KCNH8: variants seen among roughly 807,000 people sequenced by gnomAD.
KCNH8 encodes voltage-gated delayed rectifier potassium channel KCNH8.
KCNH8 carries 70 observed loss-of-function variants against 103.6 expected under a neutral mutation model. That is an observed-to-expected ratio of 0.68 (90% confidence interval 0.56 to 0.82). The LOEUF is 0.82. Among genes scored for constraint, KCNH8 ranks in the 40% least tolerant of loss-of-function variants. The pLI, the probability that KCNH8 is intolerant of heterozygous loss-of-function variation, is 0.00. For missense variants in KCNH8, 1,217 were observed against 1,329.9 expected (o/e 0.92, Z 1.32); for synonymous variants, 498 against 489.4 (o/e 1.02, Z -0.23).
intron 1 of KCNH8, among the ~76,000 whole-genome samples, chr3:19,198,808 A>G (rs1381948958): frequency 1.3e-5 from 2 of 152,108 alleles, no homozygotes; most frequent in Non-Finnish European, 2.9e-5. Context: ...GTTGAATTCC[A>G]TTAAGTATGC....
intron 2 of KCNH8, among the ~76,000 whole-genome samples, chr3:19,276,018 A>G (rs912815702): frequency 2.5e-4 from 38 of 152,182 alleles, no homozygotes; most frequent in South Asian, 4.1e-4. Flanking sequence ...AATAAAGTGG[A>G]GGGGTAACTT....
chr3:19,356,679 T>C (rs2065885890), intron 5 of KCNH8, among the ~76,000 whole-genome samples: 1 of 151,932 alleles, frequency 6.6e-6, no homozygotes, highest in African/African-American at 2.4e-5. Context: ...CCAATCTTTC[T>C]TACACCACAG....
intron 2 of KCNH8, among the ~76,000 whole-genome samples, chr3:19,278,323 C>G (rs781314484): frequency 4.7e-5 from 7 of 149,692 alleles, no homozygotes; most frequent in Non-Finnish European, 7.4e-5. Context: ...GAAAGAAAAG[C>G]ATAAATATAC....
At chr3:19,478,209 T>C (rs1395096429) in intron 11 of KCNH8, among the ~76,000 whole-genome samples, 2 of 152,264 alleles carry the variant, frequency 1.3e-5, no homozygotes, top group South Asian at 4.1e-4. Context: ...ATTGATTCCA[T>C]ATCTTTGCTA....
At chr3:19,462,379 C>A (rs534639214) in intron 11 of KCNH8, among the ~76,000 whole-genome samples, 1 of 152,300 alleles carries the variant, frequency 6.6e-6, no homozygotes, top group South Asian at 2.1e-4. Context: ...GATTTGCTTT[C>A]TCTGATGACC....
At chr3:19,510,706 A>G (rs1341845241) in intron 12 of KCNH8, among the ~76,000 whole-genome samples, 1 of 152,168 alleles carries the variant, frequency 6.6e-6, no homozygotes, top group Non-Finnish European at 1.5e-5. Flanking sequence ...TTGGCAGTCA[A>G]ATTTTTTCTT....
At chr3:19,265,952 C>T (rs566992119) in intron 2 of KCNH8, among the ~76,000 whole-genome samples, 1 of 152,016 alleles carries the variant, frequency 6.6e-6, no homozygotes, top group Non-Finnish European at 1.5e-5. Flanking sequence ...CAGACCCTTA[C>T]AATTTTGGTC....
At position 19,326,382 on chromosome 3, in the gene KCNH8, T is replaced by TAA. The variant is rs1553637978; in HGVS notation, c.443-16204_443-16203dup. Among the ~76,000 whole-genome samples the TAA allele has an allele frequency of 2.0e-3, 282 of 142,552 alleles. 2 individuals are homozygous for TAA. The highest frequency in any genetic ancestry group is 3.3e-3 in the Non-Finnish European group (215 of 65,566). The allele number at this position is 142,552 out of a possible 152,430, so 93.5% of individuals were successfully genotyped here. A position where few individuals can be genotyped will look rare whatever the true frequency, so the allele number is the denominator to read the frequency against. On this transcript the variant is annotated intron_variant, in intron 3 of 15. Coordinates refer to ENST00000328405, the MANE Select transcript of KCNH8 (RefSeq NM_144633.3). ...ATATATATATATATATATATATATA[T>TAA]AATAAATGATTATGATTTATTTTGG...
chr3:19,497,860 T>C (rs926044043), intron 11 of KCNH8, among the ~76,000 whole-genome samples: 6 of 152,178 alleles, frequency 3.9e-5, no homozygotes, highest in African/African-American at 1.4e-4. Context: ...CCACTACTAT[T>C]ATGTGGGAAT....
intron 2 of KCNH8, among the ~76,000 whole-genome samples, chr3:19,264,500 C>G (rs1389246768): frequency 6.6e-6 from 1 of 152,006 alleles, no homozygotes. Flanking sequence ...CTTCACTGAC[C>G]CACGCTCTGC....
chr3:19,325,603 A>G (rs2065411910), intron 3 of KCNH8, among the ~76,000 whole-genome samples: 1 of 152,212 alleles, frequency 6.6e-6, no homozygotes, highest in Non-Finnish European at 1.5e-5. Flanking sequence ...ATCACTTATC[A>G]TTAGAGAAAT....
intron 11 of KCNH8, among the ~76,000 whole-genome samples, chr3:19,462,666 T>C (rs1015578736): frequency 6.6e-6 from 1 of 152,226 alleles, no homozygotes; most frequent in East Asian, 1.9e-4. Flanking sequence ...TTTGTCAATT[T>C]TGGCTTTTGT....
intron 9 of KCNH8, chr3:19,450,622 T>C (rs755294603): frequency 9.0e-6 from 3 of 333,196 alleles, no homozygotes; most frequent in South Asian, 3.0e-5. Context: ...GGGATAATTA[T>C]ATTAATCAAG....
rs1559397049 is a variant in KCNH8 at position 19,148,734 on chromosome 3, A to G, written c.15A>G (p.Lys5=). 3 of 1,614,176 alleles carry G rather than the reference A, an allele frequency of 1.9e-6. No individual in the cohort carries two copies. Among genetic ancestry groups the G allele is most frequent in the East Asian group, 2.2e-5 (1 of 44,876 alleles). MPVM[K]GLLAPQNTFL... ...ACGCTGGAAAAATGCCGGTTATGAAAGGATTACTGGCGCCGCAAAACACCT... is the reference window on the plus strand; with the variant it reads ...ACGCTGGAAAAATGCCGGTTATGAAGGGATTACTGGCGCCGCAAAACACCT... The change falls in exon 1 of 16, where the codon AAA becomes AAG. Residue 5 remains lysine (K), a synonymous_variant. Transcript: ENST00000328405.
intron 1 of KCNH8, among the ~76,000 whole-genome samples, chr3:19,181,960 G>C (rs765878561): frequency 1.3e-5 from 2 of 152,068 alleles, no homozygotes; most frequent in South Asian, 4.1e-4. Flanking sequence ...AGTGTTGTGC[G>C]TGACATTTGT....
At chr3:19,349,157 G>A (rs1039730965) in intron 5 of KCNH8, among the ~76,000 whole-genome samples, 8 of 151,864 alleles carry the variant, frequency 5.3e-5, no homozygotes, top group East Asian at 1.9e-4. Flanking sequence ...TAGGCAGACG[G>A]CAATTTTATT....
At chr3:19,207,890 C>G (rs2063732518) in intron 1 of KCNH8, among the ~76,000 whole-genome samples, 1 of 151,706 alleles carries the variant, frequency 6.6e-6, no homozygotes, top group Non-Finnish European at 1.5e-5. Context: ...AGAATGTGTT[C>G]TAGATATCAA....
chr3:19,469,959 C>G (rs887872225), intron 11 of KCNH8, among the ~76,000 whole-genome samples: 4 of 152,092 alleles, frequency 2.6e-5, no homozygotes, highest in Non-Finnish European at 4.4e-5. Context: ...GGTCATGTTC[C>G]CTTGTAACCC....
At chr3:19,318,662 TACACA>T (rs2065308492) in intron 3 of KCNH8, among the ~76,000 whole-genome samples, 1 of 142,520 alleles carries the variant, frequency 7.0e-6, no homozygotes, top group African/African-American at 2.6e-5. Flanking sequence ...TGTGTGTGTG[TACACA>T]CACACACACA....
Sources: allele counts gnomAD v4.1 joint callset (sites outside exome capture counted in the v4.1 genomes callset), GRCh38; gene constraint gnomAD v4.1.1; transcripts MANE v1.5; gene names NCBI Gene and HGNC (gene_info 2026-07-23, HGNC 2026-07-21).